The following SPOCK1 variants were observed in gnomAD, a reference collection of about 807,000 sequenced individuals.
SPOCK1 encodes the protein testican-1.
In SPOCK1, 23 loss-of-function variants were observed where a neutral mutation model predicts 55.3. The ratio of observed to expected loss-of-function variants is 0.42; its 90% CI spans 0.30 to 0.59. The LOEUF is 0.59. Ranked by LOEUF, SPOCK1 falls within the 20% of genes least tolerant of loss-of-function variation. The pLI is 0.22. For synonymous variants in SPOCK1, 226 were observed against 221.0 expected, an observed-to-expected ratio of 1.02 and a Z score of -0.20; for missense variants, 499 against 552.5, an observed-to-expected ratio of 0.90 and a Z score of 0.97.
intron 6 of SPOCK1, among the ~76,000 whole-genome samples, chr5:137,059,463 G>C (rs914770088): frequency 2.0e-5 from 3 of 152,186 alleles, no homozygotes; most frequent in Non-Finnish European, 2.9e-5. Context: ...ATGGATTAAA[G>C]ACTTAAATGC....
intron 6 of SPOCK1, among the ~76,000 whole-genome samples, chr5:137,038,999 G>A (rs907216554): frequency 6.6e-6 from 1 of 152,146 alleles, no homozygotes; most frequent in African/African-American, 2.4e-5. Context: ...TTGTTACACA[G>A]ACCTTCCTAT....
intron 4 of SPOCK1, among the ~76,000 whole-genome samples, chr5:137,130,319 C>T (rs1278952029): frequency 6.6e-6 from 1 of 152,134 alleles, no homozygotes; most frequent in African/African-American, 2.4e-5. Context: ...GTAGACTATG[C>T]CCACTCATCA....
intron 2 of SPOCK1, among the ~76,000 whole-genome samples, chr5:137,363,519 C>A (rs760736745): frequency 2.6e-5 from 4 of 152,204 alleles, no homozygotes; most frequent in African/African-American, 4.8e-5. Context: ...ACTGGAATCA[C>A]AGCTCTGCAT....
intron 3 of SPOCK1, among the ~76,000 whole-genome samples, chr5:137,230,670 C>T (rs73294899): frequency 0.037 from 5,695 of 151,992 alleles, 176 homozygotes; most frequent in East Asian, 0.13. Context: ...TATAATAGGA[C>T]CTGTTTGATC....
rs559765001 is a variant in SPOCK1 at position 137,400,470 on chromosome 5, C to A, written c.186+97903G>T. 3.2e-4 allele frequency among the ~76,000 whole-genome samples: 49 copies of A among 152,330 alleles called. 1 individual carries two copies. Among genetic ancestry groups the A allele is most frequent in the African/African-American group, 1.1e-3 (46 of 41,582 alleles). ...TACGTAGAGTCTCTACCCACATGTA[C>A]ACCTGAGAGAGGTCTCATCTCTCCC... On this transcript the variant is annotated intron_variant, in intron 2 of 10. Coordinates refer to ENST00000394945, the MANE Select transcript of SPOCK1 (RefSeq NM_004598.4).
chr5:137,158,654 G>A (rs1347666123), intron 3 of SPOCK1, among the ~76,000 whole-genome samples: 1 of 151,998 alleles, frequency 6.6e-6, no homozygotes, highest in Non-Finnish European at 1.5e-5. Flanking sequence ...TCACTGGAAT[G>A]GGTGTCATGA....
intron 3 of SPOCK1, among the ~76,000 whole-genome samples, chr5:137,246,200 C>A (rs1484391671): frequency 6.6e-6 from 1 of 152,232 alleles, no homozygotes; most frequent in Non-Finnish European, 1.5e-5. Flanking sequence ...TTCTCACTAT[C>A]CACTTAATCA....
At chr5:137,249,101 G>A (rs1756458064) in intron 3 of SPOCK1, among the ~76,000 whole-genome samples, 1 of 152,186 alleles carries the variant, frequency 6.6e-6, no homozygotes, top group Non-Finnish European at 1.5e-5. Context: ...AGCGTTAAAG[G>A]AGGCAGGAAG....
intron 6 of SPOCK1, among the ~76,000 whole-genome samples, chr5:137,024,498 C>T (rs1195121936): frequency 1.3e-5 from 2 of 151,966 alleles, no homozygotes; most frequent in African/African-American, 2.4e-5. Context: ...GAGAAAATGA[C>T]CTGCTTACTG....
intron 2 of SPOCK1, among the ~76,000 whole-genome samples, chr5:137,299,506 C>A (rs188275162): frequency 6.6e-6 from 1 of 151,680 alleles, no homozygotes; most frequent in Non-Finnish European, 1.5e-5. Flanking sequence ...TCATTCATTC[C>A]TGTAGATTCA....
chr5:136,990,076 A>G (rs1424889966), intron 7 of SPOCK1, among the ~76,000 whole-genome samples: 1 of 151,762 alleles, frequency 6.6e-6, no homozygotes, highest in Non-Finnish European at 1.5e-5. Context: ...TGCCCAGCTA[A>G]TTTTTTTGTA....
At chr5:137,290,999 A>G (rs1757359974) in intron 2 of SPOCK1, among the ~76,000 whole-genome samples, 1 of 152,204 alleles carries the variant, frequency 6.6e-6, no homozygotes, top group Admixed American at 6.5e-5. Context: ...TTATTTTTCA[A>G]GTGAAGTAAC....
chr5:137,163,952 T>A (rs1339687509), intron 3 of SPOCK1, among the ~76,000 whole-genome samples: 1 of 152,194 alleles, frequency 6.6e-6, no homozygotes, highest in Non-Finnish European at 1.5e-5. Flanking sequence ...AAATTTAAAT[T>A]GTTAGCAGAC....
At chr5:137,105,450 G>T (rs1227757136) in intron 5 of SPOCK1, among the ~76,000 whole-genome samples, 1 of 152,110 alleles carries the variant, frequency 6.6e-6, no homozygotes, top group Non-Finnish European at 1.5e-5. Flanking sequence ...TGGTCACAAG[G>T]TCATAAAAGC....
chr5:137,150,312 C>CTCTG (rs1754295299), intron 3 of SPOCK1, among the ~76,000 whole-genome samples: 1 of 152,164 alleles, frequency 6.6e-6, no homozygotes, highest in South Asian at 2.1e-4. Context: ...TAGAGCTGTA[C>CTCTG]TCTGCCTTGT....
intron 2 of SPOCK1, among the ~76,000 whole-genome samples, chr5:137,398,774 A>G (rs1423874708): frequency 2.0e-5 from 3 of 152,224 alleles, no homozygotes; most frequent in South Asian, 4.1e-4. Flanking sequence ...ATCTAATACT[A>G]TAACACTTGT....
chr5:137,085,460 T>C (rs568938027), intron 5 of SPOCK1, among the ~76,000 whole-genome samples: 1 of 152,286 alleles, frequency 6.6e-6, no homozygotes, highest in Non-Finnish European at 1.5e-5. Flanking sequence ...CCATGCCTCT[T>C]CCAGAAGGAA....
intron 2 of SPOCK1, among the ~76,000 whole-genome samples, chr5:137,467,681 G>C (rs1580943097): frequency 6.6e-6 from 1 of 152,190 alleles, no homozygotes; most frequent in African/African-American, 2.4e-5. Flanking sequence ...AGACCAAAAG[G>C]ATGAGAAATA....
chr5:137,174,657 C>T (rs1754820247), intron 3 of SPOCK1, among the ~76,000 whole-genome samples: 1 of 152,206 alleles, frequency 6.6e-6, no homozygotes, highest in Non-Finnish European at 1.5e-5. Context: ...AGGACAGTCC[C>T]CATTCCAAAA....
Sources: gnomAD v4.1 joint callset for allele counts (sites outside exome capture counted in the v4.1 genomes callset) on GRCh38, gnomAD v4.1.1 for gene constraint, MANE v1.5 for transcripts, NCBI Gene and HGNC (gene_info 2026-07-23, HGNC 2026-07-21) for gene names.